The following TFE3 variants were observed in gnomAD, a reference collection of about 807,000 sequenced individuals.
TFE3 encodes the protein transcription factor binding to IGHM enhancer 3.
A neutral mutation model predicts 35.0 loss-of-function variants in TFE3; 5 were observed. That is an observed-to-expected ratio of 0.14 (90% CI 0.07 to 0.30). The LOEUF (loss-of-function observed/expected upper bound fraction) is 0.30, where lower values mean the gene tolerates loss of function less well. Ranked by LOEUF, TFE3 falls within the 10% of genes least tolerant of loss-of-function variation. The probability of loss-of-function intolerance (pLI) is 1.00; values close to 1 mark genes in which losing one functional copy is unlikely to be tolerated. For missense variants in TFE3, 374 were observed against 496.6 expected, an observed-to-expected ratio of 0.75 and a Z score of 2.35; for synonymous variants, 211 against 215.6, an observed-to-expected ratio of 0.98 and a Z score of 0.18.
In TFE3 at chrX:49,030,467, G is replaced by A. The variant is rs782164493; in HGVS notation, c.1419C>T (p.Gly473=). The stretch of plus-strand genomic sequence containing the variant: ...CCCCCCCTACATGGAACGTTGCTGC[G>A]CCTGGCCTGCCCTCCTCCTCAATGT... ...QLDIEEEGRP[G]AATFHVGGGP... is the part of the protein sequence containing the mutation. The change falls in exon 10 of 10, where the codon GGC becomes GGT. Residue 473 remains glycine, a synonymous_variant. Transcript: ENST00000315869. The A allele has an allele frequency of 2.9e-5, 35 of 1,209,486 alleles. No individual in the cohort carries two copies. The highest frequency in any genetic ancestry group is 2.3e-4 in the Middle Eastern group (1 of 4,343).
In TFE3 at chrX:49,031,596, CAGG is replaced by C. The variant is rs1557073765; in HGVS notation, c.1137-55_1137-53del. 3.6e-6 allele frequency: 4 copies of C among 1,119,554 alleles called. No individual in the cohort carries two copies. In the African/African-American group the frequency reaches 7.3e-5, roughly 21 times the overall value. The allele number at this position is 1,119,554 out of a possible 1,213,427, so 92.3% of individuals were successfully genotyped here. A position where few individuals can be genotyped will look rare whatever the true frequency, so the allele number is the denominator to read the frequency against. ...AGGAAATGCCACATGAGGAGTTTCT[CAGG>C]AGCTGAGGCGGGGATTGCACCAGGT... On this transcript the variant is annotated intron_variant, in intron 8 of 9. Transcript: ENST00000315869.
At chrX:49,035,349 A>G (rs1226669024) in intron 5 of TFE3, among the ~76,000 whole-genome samples, 1 of 104,582 alleles carries the variant, frequency 9.6e-6, no homozygotes, top group Non-Finnish European at 2.0e-5. Context: ...AAATAAATAC[A>G]AATAAAATAA....
rs1557073270 is a variant in TFE3 at position 49,029,641 on chromosome X, G to C, written c.*517C>G. 4.9e-6 allele frequency: 2 copies of C among 410,662 alleles called. No individual in the cohort carries two copies. The allele number at this position is 410,662 out of a possible 1,213,427, so 33.8% of individuals were successfully genotyped here. A position where few individuals can be genotyped will look rare whatever the true frequency, so the allele number is the denominator to read the frequency against. ...TCCTTGCCTGGGCAGAGCAGGGCAG[G>C]GTTCATGGGGAAGGGGCAGAGCTTA... is the stretch of plus-strand genomic sequence containing the variant. On this transcript the variant is annotated 3_prime_UTR_variant, in exon 10 of 10. Transcript: ENST00000315869.
chrX:49,033,365 T>C (rs2064710335), intron 8 of TFE3, 100 bp downstream of exon 8: 2 of 770,917 alleles, frequency 2.6e-6, no homozygotes, highest in Non-Finnish European at 3.8e-6. Context: ...GAGAAATGCC[T>C]GGGCCGAGAC....
chrX:49,032,985 A>G (rs1056079748), intron 8 of TFE3, among the ~76,000 whole-genome samples: 1 of 110,684 alleles, frequency 9.0e-6, no homozygotes, highest in South Asian at 3.8e-4. Flanking sequence ...ATTTTTTAGT[A>G]GAGACGGGGT....
chrX:49,037,817 G>T (rs2147775229), intron 5 of TFE3, 193 bp downstream of exon 5: 1 of 426,096 alleles, frequency 2.3e-6, no homozygotes, highest in Non-Finnish European at 4.1e-6. Context: ...CAGTCTACAT[G>T]GTCCACCTCT....
intron 5 of TFE3, 68 bp from the exon 6 acceptor site, chrX:49,034,319 C>T: frequency 1.3e-6 from 1 of 773,958 alleles, no homozygotes; most frequent in South Asian, 2.3e-5. Flanking sequence ...TCCTCAGAAC[C>T]AGGTTCCTGA....
Position 49,030,475 on chromosome X carries a change from T to C in TFE3, c.1411A>G (p.Arg471Gly). The C allele has an allele frequency of 8.3e-7, 1 of 1,211,589 alleles. No individual in the cohort carries two copies. Among genetic ancestry groups the C allele is most frequent in the Non-Finnish European group, 1.1e-6 (1 of 895,437 alleles). The part of the protein sequence containing the change: ...PEQLDIEEEG[R>G]PGAATFHVGG... ...ACATGGAACGTTGCTGCGCCTGGCCTGCCCTCCTCCTCAATGTCCAGCTGC... is the reference window on the plus strand; with the variant it reads ...ACATGGAACGTTGCTGCGCCTGGCCCGCCCTCCTCCTCAATGTCCAGCTGC... Residue 471 changes from arginine to glycine, a missense_variant, in exon 10 of 10, where the codon AGG becomes GGG. By Grantham distance (125) the Arg-to-Gly change is moderately radical. Coordinates refer to ENST00000315869, the MANE Select transcript of TFE3 (RefSeq NM_006521.6).
chrX:49,038,536 A>C, intron 3 of TFE3, 94 bp from the exon 4 acceptor site: 20 of 1,062,047 alleles, frequency 1.9e-5, no homozygotes, highest in Non-Finnish European at 2.4e-5. Context: ...CTCCTAACTC[A>C]TTGGTGCCTA....
At chrX:49,040,430 A>C (rs1557075528) in intron 2 of TFE3, 25 bp downstream of exon 2, 1 of 1,132,815 alleles carries the variant, frequency 8.8e-7, no homozygotes, top group Admixed American at 2.2e-5. Context: ...TTGGGAGGGG[A>C]ATCAGATAGA....
At chrX:49,039,686 G>C (rs985539321) in intron 2 of TFE3, 12 of 288,312 alleles carry the variant, frequency 4.2e-5, no homozygotes, top group Non-Finnish European at 6.6e-5. Flanking sequence ...CACATATTAA[G>C]TGGAGATGCT....
At chrX:49,034,638 C>T (rs782107746) in intron 5 of TFE3, among the ~76,000 whole-genome samples, 25 of 112,178 alleles carry the variant, frequency 2.2e-4, no homozygotes, top group South Asian at 3.7e-4. Flanking sequence ...CATTCCAGTC[C>T]GTTAGCTCCT....
At position 49,034,153 on chromosome X, in the gene TFE3, G is replaced by A. The variant is rs782333221; in HGVS notation, c.984C>T (p.Asn328=). The A allele has an allele frequency of 3.4e-5, 41 of 1,208,976 alleles. No individual in the cohort carries two copies. The highest frequency in any genetic ancestry group is 4.4e-5 in the Non-Finnish European group (39 of 893,886). ...ACCTACCAGAGATCTCCCGTTTGAT[G>A]TTGGGCAGCTCAGCTGGGCAGGAGT... The part of the protein sequence containing the change: ...VSNSCPAELP[N]IKREISETEA... The change falls in exon 6 of 10, where the codon AAC becomes AAT. Residue 328 remains asparagine (N), a synonymous_variant. Coordinates refer to ENST00000315869, the MANE Select transcript of TFE3 (RefSeq NM_006521.6).
intron 3 of TFE3, 58 bp downstream of exon 3, chrX:49,039,049 T>C (rs1238528811): frequency 3.7e-6 from 4 of 1,089,740 alleles, no homozygotes; most frequent in Non-Finnish European, 4.8e-6. Context: ...CCCTAGCTCC[T>C]AGGATCACTC....
chrX:49,031,791 T>C, intron 8 of TFE3: 1 of 281,786 alleles, frequency 3.5e-6, no homozygotes, highest in South Asian at 1.2e-4. Flanking sequence ...CTTCCCTATG[T>C]CCCTCCGATT....
In TFE3 at chrX:49,031,484, C is replaced by T. The variant is rs782534661; in HGVS notation, c.1197G>A (p.Leu399=). ...CTTTGGAGCGCTGCTGCTCCTTCTG[C>T]AGCTTGCGGATATAATCCACAGAGG... ...LKASVDYIRK[L]QKEQQRSKDL... The change falls in exon 9 of 10, where the codon CTG becomes CTA. Residue 399 remains leucine (L), a synonymous_variant. Coordinates refer to ENST00000315869, the MANE Select transcript of TFE3 (RefSeq NM_006521.6). 2 of 1,201,484 alleles carry T rather than the reference C, an allele frequency of 1.7e-6. No individual in the cohort carries two copies. Among genetic ancestry groups the T allele is most frequent in the Admixed American group, 4.5e-5 (2 of 44,765 alleles).
intron 9 of TFE3, 118 bp downstream of exon 9, chrX:49,031,279 G>A: frequency 1.3e-6 from 1 of 796,846 alleles, no homozygotes; most frequent in Non-Finnish European, 1.7e-6. Flanking sequence ...GTGTGATCTG[G>A]GAAGCCCAGG....
chrX:49,033,262 C>A (rs1174331834), intron 8 of TFE3, among the ~76,000 whole-genome samples: 1 of 111,757 alleles, frequency 8.9e-6, no homozygotes, highest in Non-Finnish European at 1.9e-5. Flanking sequence ...CCAGATGGGG[C>A]ACACAGACCA....
At chrX:49,037,241 G>A (rs1484265093) in intron 5 of TFE3, among the ~76,000 whole-genome samples, 2 of 111,937 alleles carry the variant, frequency 1.8e-5, no homozygotes, top group African/African-American at 3.3e-5. Context: ...AGGCTGCAGT[G>A]AGCCAAGATC....
Sources: allele counts gnomAD v4.1 joint callset (sites outside exome capture counted in the v4.1 genomes callset), GRCh38; gene constraint gnomAD v4.1.1; transcripts MANE v1.5; gene names NCBI Gene and HGNC (gene_info 2026-07-23, HGNC 2026-07-21).